Variants in H2BC12 observed in about 807,000 individuals in gnomAD.
H2BC12 encodes the protein H2B clustered histone 12.
Under a neutral mutation model 6.3 loss-of-function variants are expected in H2BC12, and 6 were observed. The ratio of observed to expected loss-of-function variants is 0.95; its 90% confidence interval spans 0.52 to 1.87. The LOEUF (loss-of-function observed/expected upper bound fraction) is 1.87, where lower values mean the gene tolerates loss of function less well. Among genes scored for constraint, H2BC12 ranks in the 40% most tolerant of loss-of-function variants. The probability of loss-of-function intolerance (pLI) is 0.01; values close to 1 mark genes in which losing one functional copy is unlikely to be tolerated. For synonymous variants in H2BC12, 132 were observed against 78.5 expected (o/e 1.68, Z -3.60); for missense variants, 119 against 178.4 (o/e 0.67, Z 1.90).
At chr6:27,139,806 G>A in the H2BC12 span, 3 of 1,010,850 alleles carry the variant, frequency 3.0e-6, no homozygotes, top group East Asian at 2.9e-5. Flanking sequence ...GGTGACCTTG[G>A]GCCGAGATTT....
chr6:27,139,490 T>C, the H2BC12 span: 3 of 1,614,054 alleles, frequency 1.9e-6, no homozygotes, highest in South Asian at 1.1e-5. Context: ...GTGTTGAAGG[T>C]GTTCCTGGAG....
At chr6:27,141,079 G>A in the H2BC12 span, among the ~76,000 whole-genome samples, 10 of 151,806 alleles carry the variant, frequency 6.6e-5, no homozygotes, top group South Asian at 1.0e-3. Context: ...ACATTTAGGC[G>A]GCTTATGTCC....
At chr6:27,141,693 C>T (rs1760008962), downstream of H2BC12, among the ~76,000 whole-genome samples, 1 of 152,112 alleles carries the variant, frequency 6.6e-6, no homozygotes, top group African/African-American at 2.4e-5. Flanking sequence ...CTGAGAAAGT[C>T]GTTTTTATTT....
At chr6:27,142,054 A>T (rs1330165611), downstream of H2BC12, among the ~76,000 whole-genome samples, 1 of 152,208 alleles carries the variant, frequency 6.6e-6, no homozygotes, top group Non-Finnish European at 1.5e-5. Flanking sequence ...GGAACACCTT[A>T]GGGACATGAA....
chr6:27,144,410 C>T (rs1226409184), downstream of H2BC12, among the ~76,000 whole-genome samples: 1 of 130,226 alleles, frequency 7.7e-6, no homozygotes, highest in Non-Finnish European at 1.6e-5. Flanking sequence ...TGCAGTGAGC[C>T]AAGATCTCGC....
In H2BC12 at chr6:27,146,820, T is replaced by G. The variant is rs373563592; in HGVS notation, c.-22A>C. On this transcript the variant is annotated 5_prime_UTR_variant, in exon 1 of 1. Coordinates refer to ENST00000356950, the MANE Select transcript of H2BC12 (RefSeq NM_001312653.2). Reference sequence around the variant, plus strand: ...GCATGTTGAAGGCGAACTACGAGCCTGAGACGAGCAGCAGATCGAGAAAAC... The same window carrying G: ...GCATGTTGAAGGCGAACTACGAGCCGGAGACGAGCAGCAGATCGAGAAAAC... The G allele has an allele frequency of 1.9e-6, 3 of 1,610,190 alleles. No individual in the cohort carries two copies. Among genetic ancestry groups the G allele is most frequent in the Middle Eastern group, 3.3e-4 (2 of 6,022 alleles).
chr6:27,139,739 TTC>T, the H2BC12 span: 2 of 1,403,172 alleles, frequency 1.4e-6, no homozygotes, highest in Non-Finnish European at 1.9e-6. Flanking sequence ...TGTCAGTGAG[TTC>T]TGTCATCCTA....
chr6:27,140,631 T>C, the H2BC12 span, among the ~76,000 whole-genome samples: 1 of 151,806 alleles, frequency 6.6e-6, no homozygotes, highest in Admixed American at 6.6e-5. Context: ...AATGAACAAT[T>C]TGCTTTCCAG....
the H2BC12 span, among the ~76,000 whole-genome samples, chr6:27,141,068 A>G: frequency 2.6e-5 from 4 of 152,082 alleles, no homozygotes; most frequent in Admixed American, 2.6e-4. Context: ...AAAAACAAAA[A>G]ACATTTAGGC....
rs150696455 is a variant in H2BC12, at chr6:27,146,526, G to A, written c.273C>T (p.Thr91=). 2 of 1,614,252 alleles carry A rather than the reference G, an allele frequency of 1.2e-6. No individual in the cohort carries two copies. The highest frequency in any genetic ancestry group is 1.3e-5 in the African/African-American group (1 of 75,068). The change falls in exon 1 of 1, where the codon ACC becomes ACT. Residue 91 remains threonine, a synonymous_variant. Coordinates refer to ENST00000356950, the MANE Select transcript of H2BC12 (RefSeq NM_001312653.2). ...LAHYNKRSTI[T]SREIQTAVRL... is the part of the protein sequence containing the mutation. ...GCACGGCCGTCTGGATCTCCCTGGA[G>A]GTGATGGTCGAGCGCTTGTTGTAAT... is the stretch of plus-strand genomic sequence containing the variant.
chr6:27,145,156 GATAA>G (rs377205699), downstream of H2BC12, among the ~76,000 whole-genome samples: 195 of 152,214 alleles, frequency 1.3e-3, 1 homozygote, highest in African/African-American at 4.2e-3. Context: ...TTACTGGTAG[GATAA>G]ATAAGACTTG....
At position 27,146,822 on chromosome 6, in the gene H2BC12, A is replaced by AT. The variant is rs1330739597; in HGVS notation, c.-25_-24insA. 4 of 1,609,764 alleles carry AT rather than the reference A, an allele frequency of 2.5e-6. No homozygotes were observed. Among genetic ancestry groups the AT allele is most frequent in the Non-Finnish European group, 3.4e-6 (4 of 1,178,094 alleles). Reference sequence around the variant, plus strand: ...ATGTTGAAGGCGAACTACGAGCCTGAGACGAGCAGCAGATCGAGAAAACGG... The same window carrying AT: ...ATGTTGAAGGCGAACTACGAGCCTGATGACGAGCAGCAGATCGAGAAAACGG... On this transcript the variant is annotated 5_prime_UTR_variant, in exon 1 of 1. Coordinates refer to ENST00000356950, the MANE Select transcript of H2BC12 (RefSeq NM_001312653.2).
chr6:27,141,423 A>G (rs1252712544), downstream of H2BC12, among the ~76,000 whole-genome samples: 1 of 152,144 alleles, frequency 6.6e-6, no homozygotes, highest in Non-Finnish European at 1.5e-5. Flanking sequence ...CAAATGTTAG[A>G]TTTTATGACC....
downstream of H2BC12, among the ~76,000 whole-genome samples, chr6:27,142,686 G>A (rs1245219273): frequency 8.2e-6 from 1 of 122,456 alleles, no homozygotes; most frequent in African/African-American, 3.3e-5. Context: ...GCCCAGGTTC[G>A]AGTGCAGTGG....
the H2BC12 span, chr6:27,139,207 C>T: frequency 1.9e-5 from 26 of 1,347,548 alleles, no homozygotes; most frequent in Middle Eastern, 2.0e-4. Flanking sequence ...AGAGGGACTT[C>T]CCGCCAAAGC....
downstream of H2BC12, among the ~76,000 whole-genome samples, chr6:27,145,466 G>A (rs752510092): frequency 6.6e-6 from 1 of 152,042 alleles, no homozygotes; most frequent in Non-Finnish European, 1.5e-5. Flanking sequence ...GCTCATCACC[G>A]GCATAGTCAT....
chr6:27,142,474 G>A (rs556374724), downstream of H2BC12, among the ~76,000 whole-genome samples: 422 of 151,506 alleles, frequency 2.8e-3, 2 homozygotes, highest in African/African-American at 9.9e-3. Context: ...ATGTTGGCCA[G>A]GCTGGTCTTG....
At chr6:27,139,108 G>A in the H2BC12 span, 139 of 507,198 alleles carry the variant, frequency 2.7e-4, no homozygotes, top group Middle Eastern at 5.1e-4. Context: ...AAACAGCCTA[G>A]GTCTTGAGGA....
chr6:27,139,146 G>A, the H2BC12 span: 1 of 665,668 alleles, frequency 1.5e-6, no homozygotes, highest in Non-Finnish European at 2.5e-6. Context: ...AGAACAAGAG[G>A]GAGTAGAGCA....
Sources: gnomAD v4.1 joint callset for allele counts (sites outside exome capture counted in the v4.1 genomes callset) on GRCh38, gnomAD v4.1.1 for gene constraint, MANE v1.5 for transcripts, NCBI Gene and HGNC (gene_info 2026-07-23, HGNC 2026-07-21) for gene names.